FBXW4: variants seen among roughly 807,000 people sequenced by gnomAD.
The protein encoded by FBXW4 is F-box and WD repeat domain containing 4, also known as F-box/WD repeat-containing protein 4.
A neutral mutation model predicts 61.8 loss-of-function variants in FBXW4; 40 were observed. That is an observed-to-expected ratio of 0.65 (90% CI 0.50 to 0.84). The LOEUF (loss-of-function observed/expected upper bound fraction) is 0.84, where lower values mean the gene tolerates loss of function less well. FBXW4 is among the 40% of genes least tolerant of loss of function. The pLI, the probability that FBXW4 is intolerant of heterozygous loss-of-function variation, is 0.00. For missense variants in FBXW4, 672 were observed against 753.8 expected (o/e 0.89, Z 1.27); for synonymous variants, 311 against 313.8 (o/e 0.99, Z 0.10).
At chr10:101,618,587 G>T (rs1564902477) in intron 6 of FBXW4, among the ~76,000 whole-genome samples, 2 of 152,132 alleles carry the variant, frequency 1.3e-5, no homozygotes, top group Non-Finnish European at 2.9e-5. Context: ...CTGGCCCAAA[G>T]GGGAAGGGGA....
At chr10:101,612,712 C>T (rs1424075095) in intron 6 of FBXW4, among the ~76,000 whole-genome samples, 3 of 151,698 alleles carry the variant, frequency 2.0e-5, no homozygotes, top group Admixed American at 6.6e-5. Flanking sequence ...CCTCAGCAGC[C>T]CCTCCATCAC....
In FBXW4 at chr10:101,694,487, C is replaced by T. The variant is rs1166652393; in HGVS notation, c.619G>A (p.Ala207Thr). 1.3e-6 allele frequency: 2 copies of T among 1,527,224 alleles called. No individual in the cohort carries two copies. The highest frequency in any genetic ancestry group is 2.6e-5 in the East Asian group (1 of 37,816). 94.6% of individuals were successfully genotyped at this position (1,527,224 alleles called of 1,614,324 possible). ...CGCCGCAGCCAGCGGCACACCTGGG[C>T]CAGGCGGCCGAGGGCCCGCATGTCC... ...YLDMRALGRL[A>T]QVCRWLRRFT... Residue 207 changes from alanine to threonine, a missense_variant, in exon 1 of 9, where the codon GCC (alanine) becomes ACC (threonine). Ala to Thr is a moderately conservative substitution (Grantham distance 58). Transcript: ENST00000331272. This position sits in a 1 kb window ranked among gnomAD's most constrained non-coding sequence, Gnocchi z 6.0.
intron 5 of FBXW4, among the ~76,000 whole-genome samples, chr10:101,667,478 G>A (rs2064315436): frequency 6.6e-6 from 1 of 152,082 alleles, no homozygotes. Context: ...CATTTTCCAA[G>A]GGGAACAAAG....
chr10:101,691,526 T>C (rs2064602895), intron 1 of FBXW4, among the ~76,000 whole-genome samples: 1 of 152,238 alleles, frequency 6.6e-6, no homozygotes, highest in Non-Finnish European at 1.5e-5. Context: ...GCCATATCAT[T>C]TGGCAATCTC....
chr10:101,654,119 TAAAAA>T (rs60568785), intron 5 of FBXW4, among the ~76,000 whole-genome samples: 1 of 118,306 alleles, frequency 8.5e-6, no homozygotes, highest in African/African-American at 3.2e-5. Context: ...GACTCCGTCT[TAAAAA>T]AAAAAAAAAA....
chr10:101,658,290 T>C (rs989509506), intron 5 of FBXW4, among the ~76,000 whole-genome samples: 8 of 152,306 alleles, frequency 5.3e-5, no homozygotes, highest in Non-Finnish European at 1.0e-4. Context: ...CGCACATCTA[T>C]AATCCCAGCA....
At chr10:101,681,527 CT>C in intron 1 of FBXW4, among the ~76,000 whole-genome samples, 1 of 150,848 alleles carries the variant, frequency 6.6e-6, no homozygotes, top group Non-Finnish European at 1.5e-5. Context: ...ACCATCCTGG[CT>C]AACGCAGTGA....
chr10:101,619,495 T>C (rs1414331855), intron 6 of FBXW4, among the ~76,000 whole-genome samples: 1 of 151,704 alleles, frequency 6.6e-6, no homozygotes, highest in Non-Finnish European at 1.5e-5. Flanking sequence ...CTGTCTCTAC[T>C]AAAAATACAA....
At chr10:101,666,892 AAAACAAAAAAACAACAG>A (rs1418345962) in intron 5 of FBXW4, among the ~76,000 whole-genome samples, 1 of 151,492 alleles carries the variant, frequency 6.6e-6, no homozygotes, top group African/African-American at 2.4e-5. Context: ...CCCCATTTCT[AAAACAAAAAAACAACAG>A]AAACAAAAAA....
intron 4 of FBXW4, 137 bp from the exon 5 acceptor site, chr10:101,668,117 C>A: frequency 1.5e-6 from 1 of 662,762 alleles, no homozygotes; most frequent in South Asian, 1.8e-5. Flanking sequence ...GCTCAGGTAT[C>A]AGCAGAGGGG....
At chr10:101,667,540 G>A (rs116000963) in intron 5 of FBXW4, among the ~76,000 whole-genome samples, 1,570 of 152,264 alleles carry the variant, frequency 0.01, 24 homozygotes, top group African/African-American at 0.032. Flanking sequence ...CCTCCGAGAG[G>A]TGGTGAGAGG....
In FBXW4 at chr10:101,624,270, T is replaced by TA. The variant is rs202127189; in HGVS notation, c.1301+474dup. The stretch of plus-strand genomic sequence containing the variant: ...TATAATTATTTCAAAATTAGAAAGT[T>TA]AAAAAAAAAAAAAAAACCAGAATGG... On this transcript the variant is annotated intron_variant, in intron 6 of 8. Transcript: ENST00000331272. Among the ~76,000 whole-genome samples, 447 of 136,016 alleles carry TA rather than the reference T, an allele frequency of 3.3e-3. 2 individuals carry two copies. The highest frequency in any genetic ancestry group is 4.1e-3 in the East Asian group (19 of 4,624). 89.2% of individuals were successfully genotyped at this position (136,016 alleles called of 152,430 possible). A position where few individuals can be genotyped will look rare whatever the true frequency, so the allele number is the denominator to read the frequency against.
At chr10:101,650,949 G>C (rs2064140447) in intron 5 of FBXW4, among the ~76,000 whole-genome samples, 1 of 152,226 alleles carries the variant, frequency 6.6e-6, no homozygotes, top group Admixed American at 6.5e-5. Flanking sequence ...TAAGCGCAGG[G>C]TGGGAAATAA....
In FBXW4 at chr10:101,611,468, C is replaced by A; in HGVS notation, c.1585-58G>T. The A allele has an allele frequency of 6.3e-7, 1 of 1,583,218 alleles. No individual in the cohort carries two copies. Among genetic ancestry groups the A allele is most frequent in the South Asian group, 1.1e-5 (1 of 86,980 alleles). On this transcript the variant is annotated intron_variant, in intron 8 of 8. Transcript: ENST00000331272. This position sits in a 1 kb window ranked among gnomAD's most constrained non-coding sequence, Gnocchi z 4.9. Reference sequence around the variant, plus strand: ...TTTCCAAGTGGGACATGGGTGTGCCCTAACCCAGGATCCCCAGGCCCAGGG... The same window carrying A: ...TTTCCAAGTGGGACATGGGTGTGCCATAACCCAGGATCCCCAGGCCCAGGG...
At chr10:101,660,238 G>A in intron 5 of FBXW4, 1 of 976,584 alleles carries the variant, frequency 1.0e-6, no homozygotes, top group Non-Finnish European at 1.2e-6. Flanking sequence ...CAAAACTCCA[G>A]CTCCAGGAAT....
chr10:101,682,308 G>C (rs530453083), intron 1 of FBXW4, among the ~76,000 whole-genome samples: 4 of 152,146 alleles, frequency 2.6e-5, no homozygotes, highest in African/African-American at 9.7e-5. Flanking sequence ...TCTGTTGGGT[G>C]AATGTAGTCC....
intron 1 of FBXW4, among the ~76,000 whole-genome samples, chr10:101,679,511 G>T (rs1169280588): frequency 1.3e-5 from 2 of 152,168 alleles, no homozygotes; most frequent in Non-Finnish European, 1.5e-5. Context: ...ACAGAAAATT[G>T]TAAACTAAGG....
rs569750948 is a variant in FBXW4 at position 101,680,980 on chromosome 10, G to A, written c.726-4544C>T. Reference sequence around the variant, plus strand: ...TACTGCCACTAGAAATGACAAATGTGAGGATTGCAAAACATTTTGGCAACA... The same window carrying A: ...TACTGCCACTAGAAATGACAAATGTAAGGATTGCAAAACATTTTGGCAACA... On this transcript the variant is annotated intron_variant, in intron 1 of 8. Coordinates refer to ENST00000331272, the MANE Select transcript of FBXW4 (RefSeq NM_022039.4). 2.6e-5 allele frequency among the ~76,000 whole-genome samples: 4 copies of A among 152,344 alleles called. No homozygotes were observed. The East Asian group carries it at 5.8e-4, about 22-fold the overall frequency.
At chr10:101,663,515 G>C (rs2064265116) in intron 5 of FBXW4, among the ~76,000 whole-genome samples, 1 of 152,026 alleles carries the variant, frequency 6.6e-6, no homozygotes, top group Admixed American at 6.5e-5. Context: ...TTTTTGGCCA[G>C]GCATAGCTGC....
Sources: gnomAD v4.1 joint callset for allele counts (sites outside exome capture counted in the v4.1 genomes callset) on GRCh38, gnomAD v4.1.1 for gene constraint, Gnocchi (gnomAD v3.1) non-coding constraint, MANE v1.5 for transcripts, NCBI Gene and HGNC (gene_info 2026-07-23, HGNC 2026-07-21) for gene names.